Variants in CNTN4 observed in about 807,000 individuals in gnomAD.
CNTN4 encodes the protein contactin-4.
CNTN4 carries 77 observed loss-of-function variants against 122.5 expected under a neutral mutation model. The ratio of observed to expected loss-of-function variants is 0.63; its 90% CI spans 0.52 to 0.76. The LOEUF is 0.76. Ranked by LOEUF, CNTN4 falls within the 30% of genes least tolerant of loss-of-function variation. The pLI is 0.00. For missense variants in CNTN4, 1,256 were observed against 1,259.1 expected, an observed-to-expected ratio of 1.00 and a Z score of 0.04; for synonymous variants, 512 against 447.0, an observed-to-expected ratio of 1.15 and a Z score of -1.83.
At chr3:2,723,315 AACTC>A (rs1046494466) in intron 4 of CNTN4, among the ~76,000 whole-genome samples, 2 of 152,206 alleles carry the variant, frequency 1.3e-5, no homozygotes, top group Admixed American at 6.5e-5. Context: ...TAAAAATCTG[AACTC>A]ACTCACATTT....
chr3:2,888,840 A>T (rs1255396177), intron 10 of CNTN4, among the ~76,000 whole-genome samples: 1 of 152,088 alleles, frequency 6.6e-6, no homozygotes, highest in Admixed American at 6.6e-5. Context: ...CCTGTAGCTT[A>T]TTAAATATGT....
chr3:2,773,778 T>TTTTTTTTTG (rs55655933), intron 6 of CNTN4, among the ~76,000 whole-genome samples: 2 of 149,510 alleles, frequency 1.3e-5, no homozygotes, highest in Admixed American at 6.7e-5. Context: ...TTTTTTTTTT[T>TTTTTTTTTG]GAGACGGAGT....
At chr3:2,214,775 A>G (rs886303245) in intron 2 of CNTN4, among the ~76,000 whole-genome samples, 1 of 152,186 alleles carries the variant, frequency 6.6e-6, no homozygotes, top group Admixed American at 6.5e-5. Flanking sequence ...GCATCCCAGT[A>G]GGTACATTAA....
rs1697830357 is a variant in CNTN4, at chr3:3,017,094, TA to T, written c.1487-9004del. On this transcript the variant is annotated intron_variant, in intron 14 of 24. Transcript: ENST00000418658. ...TACTTCTGTGTTTTCTTCTGCCACC[TA>T]AAAGGGCAGACTTCCTTGTCTTCAG... 3.3e-5 allele frequency among the ~76,000 whole-genome samples: 5 copies of T among 152,306 alleles called. No homozygotes were observed. In the South Asian group the frequency reaches 1.0e-3, roughly 32 times the overall value.
At chr3:2,647,660 T>G (rs939369475) in intron 4 of CNTN4, among the ~76,000 whole-genome samples, 1 of 152,146 alleles carries the variant, frequency 6.6e-6, no homozygotes, top group Non-Finnish European at 1.5e-5. Flanking sequence ...CTCAGGCAAG[T>G]GATTTTACCT....
intron 13 of CNTN4, among the ~76,000 whole-genome samples, chr3:2,956,822 C>T (rs764911477): frequency 4.6e-5 from 7 of 152,154 alleles, no homozygotes; most frequent in Non-Finnish European, 1.0e-4. Context: ...CCCTAGCAAC[C>T]ATGGCTCTAC....
chr3:2,306,661 C>G (rs185335902), intron 2 of CNTN4, among the ~76,000 whole-genome samples: 1 of 151,968 alleles, frequency 6.6e-6, no homozygotes, highest in Non-Finnish European at 1.5e-5. Context: ...AATACAACAA[C>G]CTTAAACTTT....
At chr3:2,725,573 A>G (rs1398454246) in intron 4 of CNTN4, among the ~76,000 whole-genome samples, 1 of 152,140 alleles carries the variant, frequency 6.6e-6, no homozygotes, top group Non-Finnish European at 1.5e-5. Context: ...ATTTTTTTAC[A>G]ACAAGAAACT....
intron 2 of CNTN4, among the ~76,000 whole-genome samples, chr3:2,182,282 C>T (rs1168559973): frequency 1.3e-5 from 2 of 152,020 alleles, no homozygotes; most frequent in Admixed American, 1.3e-4. Context: ...CACACACATA[C>T]ACACACCCCA....
At chr3:2,694,644 G>T (rs1201233459) in intron 4 of CNTN4, among the ~76,000 whole-genome samples, 1 of 152,132 alleles carries the variant, frequency 6.6e-6, no homozygotes, top group Non-Finnish European at 1.5e-5. Flanking sequence ...CAAGAGAATT[G>T]CTTGAACTCA....
At position 2,170,918 on chromosome 3, in the gene CNTN4, A is replaced by C. The variant is rs558897331; in HGVS notation, c.-145+70279A>C. 2.6e-5 allele frequency among the ~76,000 whole-genome samples: 4 copies of C among 152,340 alleles called. No individual in the cohort carries two copies. The South Asian group carries it at 8.3e-4, about 32-fold the overall frequency. On this transcript the variant is annotated intron_variant, in intron 2 of 24. Transcript: ENST00000418658. ...AATACTGAAAAAATGGTCTATTTTA[A>C]TACTTAGATCAATACCACTTCAAAC...
intron 2 of CNTN4, chr3:2,132,572 A>G (rs1239993430): frequency 6.6e-6 from 1 of 152,118 alleles, no homozygotes; most frequent in East Asian, 1.9e-4. Flanking sequence ...TTTCATTACA[A>G]TTTGCCATTG....
chr3:2,154,941 A>C (rs1280936172), intron 2 of CNTN4, among the ~76,000 whole-genome samples: 1 of 152,256 alleles, frequency 6.6e-6, no homozygotes, highest in Non-Finnish European at 1.5e-5. Context: ...AATAGATTTG[A>C]TAGATGGCAG....
intron 7 of CNTN4, among the ~76,000 whole-genome samples, chr3:2,819,820 C>T (rs952007613): frequency 6.6e-5 from 10 of 152,236 alleles, no homozygotes; most frequent in Non-Finnish European, 1.3e-4. Flanking sequence ...ACACCTGAGT[C>T]GATCAAAATC....
In CNTN4 at chr3:3,026,119, G is replaced by A; in HGVS notation, c.1504G>A (p.Val502Ile). The A allele has an allele frequency of 6.2e-7, 1 of 1,613,202 alleles. No individual in the cohort carries two copies. Among genetic ancestry groups the A allele is most frequent in the Non-Finnish European group, 8.5e-7 (1 of 1,179,400 alleles). ...CTCTCCAGATCCAACAAGGGTAATG[G>A]TACCCCCTTCCAGTATGGATGTCAC... ...LVVKDPTRVM[V>I]PPSSMDVTVG... The change falls in exon 15 of 25, where the codon GTA becomes ATA. Residue 502 changes from valine to isoleucine, a missense_variant. Val to Ile is a conservative substitution (Grantham distance 29). Transcript: ENST00000418658.
At chr3:2,375,205 A>G (rs565399576) in intron 3 of CNTN4, among the ~76,000 whole-genome samples, 33 of 152,318 alleles carry the variant, frequency 2.2e-4, no homozygotes, top group African/African-American at 7.9e-4. Context: ...ATTGCTACCT[A>G]CAGATATTAT....
intron 4 of CNTN4, among the ~76,000 whole-genome samples, chr3:2,642,324 T>A (rs1214310922): frequency 6.6e-6 from 1 of 152,172 alleles, no homozygotes; most frequent in Non-Finnish European, 1.5e-5. Context: ...GGCAGCTGAT[T>A]AGATGGTGCC....
intron 13 of CNTN4, among the ~76,000 whole-genome samples, chr3:2,973,626 CTGAA>C (rs1279129806): frequency 1.3e-5 from 2 of 151,978 alleles, no homozygotes; most frequent in African/African-American, 2.4e-5. Flanking sequence ...ATTCTAAAGA[CTGAA>C]TGAATTTTAA....
At chr3:3,025,891 C>T (rs1456615488) in intron 14 of CNTN4, among the ~76,000 whole-genome samples, 3 of 152,144 alleles carry the variant, frequency 2.0e-5, no homozygotes, top group African/African-American at 7.2e-5. Flanking sequence ...AGAAGGTTCA[C>T]ATAATGAGTG....
Sources: allele counts gnomAD v4.1 joint callset (sites outside exome capture counted in the v4.1 genomes callset), GRCh38; gene constraint gnomAD v4.1.1; transcripts MANE v1.5; gene names NCBI Gene and HGNC (gene_info 2026-07-23, HGNC 2026-07-21).